Variants in NAALADL2 observed in about 807,000 individuals in gnomAD.
The protein encoded by NAALADL2 is inactive N-acetylated-alpha-linked acidic dipeptidase-like protein 2.
Under a neutral mutation model 87.2 loss-of-function variants are expected in NAALADL2, and 76 were observed. The ratio of observed to expected loss-of-function variants is 0.87; its 90% CI spans 0.72 to 1.05. NAALADL2 has a LOEUF of 1.05. Ranked by LOEUF, NAALADL2 falls within the 50% of genes least tolerant of loss-of-function variation. NAALADL2 has a pLI of 0.00. For synonymous variants in NAALADL2, 354 were observed against 331.0 expected (o/e 1.07, Z -0.75); for missense variants, 1,089 against 945.8 (o/e 1.15, Z -1.99).
At chr3:174,896,243 C>T (rs1037929835) in intron 1 of NAALADL2, among the ~76,000 whole-genome samples, 2 of 152,032 alleles carry the variant, frequency 1.3e-5, no homozygotes, top group South Asian at 4.1e-4. Context: ...GTCAAATTAT[C>T]CTTGTTTGCT....
At chr3:175,495,075 T>C (rs1242486526) in intron 9 of NAALADL2, among the ~76,000 whole-genome samples, 1 of 133,394 alleles carries the variant, frequency 7.5e-6, no homozygotes, top group South Asian at 2.3e-4. Flanking sequence ...AGCAATCCCA[T>C]ATATATATAT....
At chr3:175,252,434 A>G (rs975652053) in intron 3 of NAALADL2, among the ~76,000 whole-genome samples, 4 of 152,152 alleles carry the variant, frequency 2.6e-5, no homozygotes, top group Non-Finnish European at 5.9e-5. Flanking sequence ...TGACTCAATA[A>G]ATATTATTGA....
intron 2 of NAALADL2, among the ~76,000 whole-genome samples, chr3:174,628,839 C>T (rs912407137): frequency 6.6e-6 from 1 of 152,054 alleles, no homozygotes; most frequent in Non-Finnish European, 1.5e-5. Flanking sequence ...ATTTTTCAGC[C>T]CTGTGTGTAC....
chr3:174,610,772 G>C (rs763446046), intron 2 of NAALADL2, among the ~76,000 whole-genome samples: 17 of 152,248 alleles, frequency 1.1e-4, no homozygotes, highest in South Asian at 2.1e-4. Context: ...TCTCAGGGAT[G>C]TAGAACTAGA....
At chr3:175,657,684 C>G (rs190495685) in intron 11 of NAALADL2, among the ~76,000 whole-genome samples, 3,941 of 151,786 alleles carry the variant, frequency 0.026, 178 homozygotes, top group African/African-American at 0.091. Flanking sequence ...AGGTTCACGC[C>G]GTTCTCCTGC....
intron 3 of NAALADL2, among the ~76,000 whole-genome samples, chr3:174,747,621 C>CAAAAAAAAAA (rs150843588): frequency 2.3e-4 from 9 of 38,634 alleles, no homozygotes; most frequent in Non-Finnish European, 3.0e-4. Flanking sequence ...GACCCCATCT[C>CAAAAAAAAAA]AAAAAAAAAA....
intron 1 of NAALADL2, among the ~76,000 whole-genome samples, chr3:174,876,466 A>C (rs1396065807): frequency 2.0e-5 from 3 of 152,120 alleles, no homozygotes; most frequent in Admixed American, 2.0e-4. Flanking sequence ...TTCACAGTAA[A>C]TGTTTATAAA....
chr3:175,372,047 C>T (rs561151983), intron 5 of NAALADL2, among the ~76,000 whole-genome samples: 5 of 152,110 alleles, frequency 3.3e-5, no homozygotes, highest in Admixed American at 1.3e-4. Flanking sequence ...TAAAAAAAGT[C>T]CAGCCATAGC....
rs746620821 is a variant in NAALADL2, at chr3:174,564,837, A to G, written c.-115+14200A>G. Among the ~76,000 whole-genome samples the G allele has an allele frequency of 6.1e-4, 93 of 151,916 alleles. 1 individual carries two copies. Among genetic ancestry groups the G allele is most frequent in the Non-Finnish European group, 1.1e-3 (74 of 67,904 alleles). On this transcript the variant is annotated intron_variant, in intron 2 of 3. Coordinates refer to the NAALADL2 transcript ENST00000434257. ...CCTTTGGTTTGTGTTTGCTTTATAT[A>G]TCTTTTTTTTTCCATTTCTCTACAG...
chr3:174,604,395 T>A (rs1411740751), intron 2 of NAALADL2, among the ~76,000 whole-genome samples: 1 of 152,198 alleles, frequency 6.6e-6, no homozygotes. Context: ...TGCTGTTTTT[T>A]CATTTCCATT....
At chr3:175,444,835 T>G (rs943408071) in intron 5 of NAALADL2, among the ~76,000 whole-genome samples, 1 of 152,180 alleles carries the variant, frequency 6.6e-6, no homozygotes, top group Non-Finnish European at 1.5e-5. Flanking sequence ...ATTCTAAGCT[T>G]AAATCTTTAT....
At chr3:175,097,530 A>G (rs532857229) in intron 2 of NAALADL2, among the ~76,000 whole-genome samples, 1 of 152,138 alleles carries the variant, frequency 6.6e-6, no homozygotes, top group Non-Finnish European at 1.5e-5. Context: ...ACTACTATGG[A>G]GACTAAAATT....
intron 2 of NAALADL2, among the ~76,000 whole-genome samples, chr3:174,665,847 C>T (rs1725908322): frequency 6.6e-6 from 1 of 152,188 alleles, no homozygotes; most frequent in African/African-American, 2.4e-5. Context: ...GTTTCTTGTA[C>T]TTACCAGCAA....
intron 11 of NAALADL2, chr3:175,676,708 C>G (rs961198325): frequency 2.0e-5 from 3 of 152,092 alleles, no homozygotes; most frequent in African/African-American, 7.3e-5. Flanking sequence ...AGTTTCTCCC[C>G]AGAGTTTCCA....
intron 11 of NAALADL2, among the ~76,000 whole-genome samples, chr3:175,719,274 C>G (rs1227708027): frequency 2.0e-5 from 3 of 151,642 alleles, no homozygotes; most frequent in Admixed American, 6.6e-5. Context: ...CTAGAAATCT[C>G]TATCTACTAC....
At chr3:174,492,262 C>T (rs1388872146) in intron 1 of NAALADL2, among the ~76,000 whole-genome samples, 1 of 146,790 alleles carries the variant, frequency 6.8e-6, no homozygotes, top group Non-Finnish European at 1.5e-5. Flanking sequence ...AACAGCAAGA[C>T]TCCGTCTCAA....
chr3:175,489,774 G>A (rs551749242), intron 9 of NAALADL2, among the ~76,000 whole-genome samples: 6 of 152,276 alleles, frequency 3.9e-5, no homozygotes, highest in African/African-American at 1.4e-4. Context: ...CCTTGTAGAA[G>A]AGACTTCTTT....
chr3:174,976,599 G>C (rs1744392737), intron 1 of NAALADL2, among the ~76,000 whole-genome samples: 1 of 152,284 alleles, frequency 6.6e-6, no homozygotes, highest in East Asian at 1.9e-4. Flanking sequence ...TGAAGTGTGT[G>C]CCAGTTATAT....
intron 11 of NAALADL2, among the ~76,000 whole-genome samples, chr3:175,733,981 G>A (rs1400320412): frequency 6.6e-6 from 1 of 152,198 alleles, no homozygotes. Flanking sequence ...TGGCTTTGCA[G>A]GGTATAGCCC....
Sources: gnomAD v4.1 joint callset for allele counts (sites outside exome capture counted in the v4.1 genomes callset) on GRCh38, gnomAD v4.1.1 for gene constraint, MANE v1.5 for transcripts, NCBI Gene and HGNC (gene_info 2026-07-23, HGNC 2026-07-21) for gene names.